Variants in NARS2 observed in about 807,000 individuals in gnomAD.
NARS2 encodes asparaginyl-tRNA synthetase 2, mitochondrial, also known as asparaginyl-tRNA synthetase.
A neutral mutation model predicts 62.9 loss-of-function variants in NARS2; 60 were observed. That is an observed-to-expected ratio of 0.95 (90% CI 0.77 to 1.18). The LOEUF (loss-of-function observed/expected upper bound fraction) is 1.18. NARS2 is among the 50% of genes most tolerant of loss of function. The pLI is 0.00. For missense variants in NARS2, 619 were observed against 576.4 expected (o/e 1.07, Z -0.76); for synonymous variants, 196 against 200.0 (o/e 0.98, Z 0.17).
chr11:78,476,501 C>G (rs144184646), intron 9 of NARS2, among the ~76,000 whole-genome samples: 1 of 152,226 alleles, frequency 6.6e-6, no homozygotes, highest in Non-Finnish European at 1.5e-5. Context: ...TCCTACCCTT[C>G]TAATGCACTT....
intron 2 of NARS2, among the ~76,000 whole-genome samples, chr11:78,569,360 G>T (rs904774114): frequency 6.6e-6 from 1 of 152,146 alleles, no homozygotes; most frequent in Non-Finnish European, 1.5e-5. Flanking sequence ...TCACCATGCT[G>T]TCAAGGCTGG....
chr11:78,559,900 C>T (rs1168763824), intron 4 of NARS2, among the ~76,000 whole-genome samples: 2 of 152,190 alleles, frequency 1.3e-5, no homozygotes, highest in East Asian at 1.9e-4. Flanking sequence ...TGACTTTCCA[C>T]AAGTTACACA....
chr11:78,492,664 A>G (rs1022597664), intron 7 of NARS2, among the ~76,000 whole-genome samples: 1 of 152,236 alleles, frequency 6.6e-6, no homozygotes, highest in South Asian at 2.1e-4. Context: ...GATGTTTGGT[A>G]TATTTTCCTA....
chr11:78,455,774 C>T (rs1166057977), intron 11 of NARS2, among the ~76,000 whole-genome samples: 1 of 151,958 alleles, frequency 6.6e-6, no homozygotes, highest in Non-Finnish European at 1.5e-5. Flanking sequence ...TACAGCCTAG[C>T]TTCAATACCT....
chr11:78,559,301 CAAAAAA>C (rs10627726), intron 5 of NARS2, among the ~76,000 whole-genome samples: 37 of 58,448 alleles, frequency 6.3e-4, no homozygotes, highest in African/African-American at 2.7e-3. Context: ...GACTCCATCT[CAAAAAA>C]AAAAAAAAAA....
chr11:78,512,566 G>A (rs578070112), intron 6 of NARS2, among the ~76,000 whole-genome samples: 1 of 152,012 alleles, frequency 6.6e-6, no homozygotes, highest in African/African-American at 2.4e-5. Context: ...GTGGAGGCTC[G>A]GTCATTAAGC....
At chr11:78,507,981 T>G (rs1054963407) in intron 6 of NARS2, among the ~76,000 whole-genome samples, 1 of 152,082 alleles carries the variant, frequency 6.6e-6, no homozygotes, top group Non-Finnish European at 1.5e-5. Flanking sequence ...CTTAAAGAAC[T>G]AGAAGATGTG....
chr11:78,468,595 G>A (rs1309235322), intron 10 of NARS2, among the ~76,000 whole-genome samples: 5 of 151,086 alleles, frequency 3.3e-5, no homozygotes, highest in African/African-American at 4.9e-5. Context: ...TAGTAGAGAC[G>A]GGGTTTCACC....
At chr11:78,479,945 T>A (rs779251997) in intron 7 of NARS2, among the ~76,000 whole-genome samples, 2 of 152,148 alleles carry the variant, frequency 1.3e-5, no homozygotes, top group Non-Finnish European at 2.9e-5. Context: ...GTCACCCAGG[T>A]TGGAGGGCAG....
chr11:78,520,798 G>A (rs988067358), intron 6 of NARS2, among the ~76,000 whole-genome samples: 2 of 152,156 alleles, frequency 1.3e-5, no homozygotes, highest in Non-Finnish European at 2.9e-5. Flanking sequence ...GTTCATGCCT[G>A]TAATCCCAAC....
At chr11:78,519,935 C>A (rs990367678) in intron 6 of NARS2, among the ~76,000 whole-genome samples, 1 of 152,076 alleles carries the variant, frequency 6.6e-6, no homozygotes, top group Non-Finnish European at 1.5e-5. Flanking sequence ...CCTTGTGATC[C>A]GCCTGTCTTG....
intron 5 of NARS2, among the ~76,000 whole-genome samples, chr11:78,530,098 A>G (rs576955541): frequency 1.3e-5 from 2 of 152,294 alleles, no homozygotes; most frequent in Admixed American, 1.3e-4. Context: ...TATTTTTATA[A>G]TAACTGCCTT....
intron 4 of NARS2, among the ~76,000 whole-genome samples, chr11:78,565,515 G>C (rs934471156): frequency 2.0e-5 from 3 of 152,170 alleles, no homozygotes; most frequent in Admixed American, 6.5e-5. Flanking sequence ...AAGTAAGGTA[G>C]AGCCCAGCAG....
At chr11:78,484,026 T>A (rs972905061) in intron 7 of NARS2, among the ~76,000 whole-genome samples, 2 of 152,176 alleles carry the variant, frequency 1.3e-5, no homozygotes, top group Non-Finnish European at 2.9e-5. Flanking sequence ...AACATGGTAC[T>A]GTTACCAAAA....
chr11:78,518,496 T>C (rs564163303), intron 6 of NARS2, among the ~76,000 whole-genome samples: 1 of 152,234 alleles, frequency 6.6e-6, no homozygotes, highest in African/African-American at 2.4e-5. Flanking sequence ...AACTACAAAA[T>C]GGCTAAATGT....
At chr11:78,489,386 T>C (rs1041756602) in intron 7 of NARS2, among the ~76,000 whole-genome samples, 3 of 152,128 alleles carry the variant, frequency 2.0e-5, no homozygotes, top group African/African-American at 7.2e-5. Flanking sequence ...CACAAAGAGA[T>C]ACTAATACAC....
intron 6 of NARS2, among the ~76,000 whole-genome samples, chr11:78,514,606 G>A (rs139019902): frequency 1.1e-4 from 16 of 152,268 alleles, no homozygotes; most frequent in African/African-American, 3.9e-4. Context: ...TATTACAAAG[G>A]CACTCAATCC....
chr11:78,510,456 G>A (rs1860678899), intron 6 of NARS2, among the ~76,000 whole-genome samples: 1 of 151,980 alleles, frequency 6.6e-6, no homozygotes, highest in African/African-American at 2.4e-5. Flanking sequence ...CCTAATGATG[G>A]ACCATCAAAT....
At chr11:78,437,044 T>C (rs556144440) in intron 13 of NARS2, among the ~76,000 whole-genome samples, 44 of 152,334 alleles carry the variant, frequency 2.9e-4, no homozygotes, top group Admixed American at 5.2e-4. Context: ...TCATGGGCTT[T>C]GGTCCCTTTT....
Sources: gnomAD v4.1 joint callset for allele counts (sites outside exome capture counted in the v4.1 genomes callset) on GRCh38, gnomAD v4.1.1 for gene constraint, MANE v1.5 for transcripts, NCBI Gene and HGNC (gene_info 2026-07-23, HGNC 2026-07-21) for gene names.